ACYP2: variants seen among roughly 807,000 people sequenced by gnomAD.
The protein encoded by ACYP2 is acylphosphatase-2.
A neutral mutation model predicts 11.2 loss-of-function variants in ACYP2; 12 were observed. That is an observed-to-expected ratio of 1.08 (90% confidence interval 0.69 to 1.74). The LOEUF (loss-of-function observed/expected upper bound fraction) is 1.74. ACYP2 is among the 40% of genes most tolerant of loss of function. The probability of loss-of-function intolerance (pLI) is 0.00; values close to 1 mark genes in which losing one functional copy is unlikely to be tolerated. For synonymous variants in ACYP2, 43 were observed against 32.2 expected, an observed-to-expected ratio of 1.33 and a Z score of -1.13; for missense variants, 134 against 101.9, an observed-to-expected ratio of 1.31 and a Z score of -1.35.
chr2:53,995,666 T>C (rs1672541032), intron 2 of ACYP2, among the ~76,000 whole-genome samples: 1 of 151,324 alleles, frequency 6.6e-6, no homozygotes, highest in Non-Finnish European at 1.5e-5. Flanking sequence ...TTGGCCAGGC[T>C]GGTCTCAAAC....
rs139881539 is a variant in ACYP2 at position 54,286,543 on chromosome 2, G to A, written c.405-18145G>A. Among the ~76,000 whole-genome samples the A allele has an allele frequency of 3.3e-5, 5 of 152,080 alleles. No homozygotes were observed. In the South Asian group the frequency reaches 6.2e-4, roughly 19 times the overall value. On this transcript the variant is annotated intron_variant, in intron 6 of 6. Coordinates refer to ENST00000607452, the MANE Select transcript of ACYP2 (RefSeq NM_001320586.2). ...CTAATAGTCATCTATGTCTATCAGA[G>A]AACAATCCTCCTTTCACATACCAGG...
chr2:54,015,416 G>A (rs1183093167), intron 2 of ACYP2, among the ~76,000 whole-genome samples: 2 of 152,062 alleles, frequency 1.3e-5, no homozygotes, highest in Admixed American at 1.3e-4. Context: ...GCTGAGGCAG[G>A]AGACTCGCTT....
chr2:53,989,300 T>C (rs74259918), intron 2 of ACYP2, among the ~76,000 whole-genome samples: 2,810 of 147,160 alleles, frequency 0.019, 68 homozygotes, highest in African/African-American at 0.066. Flanking sequence ...TTTTTTTTTT[T>C]CACAGACAAG....
At chr2:54,212,727 TCTG>T (rs961327718) in intron 6 of ACYP2, among the ~76,000 whole-genome samples, 4 of 152,224 alleles carry the variant, frequency 2.6e-5, no homozygotes, top group African/African-American at 7.2e-5. Flanking sequence ...AGTTGTGTAA[TCTG>T]CAGCAGCACA....
intron 4 of ACYP2, among the ~76,000 whole-genome samples, chr2:54,128,375 A>AT (rs140079052): frequency 1.0e-3 from 150 of 148,296 alleles, no homozygotes; most frequent in South Asian, 2.2e-3. Flanking sequence ...TTCAAATTCC[A>AT]TTTTTTTTTT....
chr2:54,177,958 G>T (rs1353277602), intron 6 of ACYP2, among the ~76,000 whole-genome samples: 4 of 146,776 alleles, frequency 2.7e-5, no homozygotes, highest in African/African-American at 1.0e-4. Context: ...AGGCTAGAGT[G>T]CAGTGGCGCC....
intron 4 of ACYP2, among the ~76,000 whole-genome samples, chr2:54,080,763 C>T (rs898889719): frequency 6.6e-6 from 1 of 152,010 alleles, no homozygotes; most frequent in Admixed American, 6.6e-5. Flanking sequence ...GCTGGGATTA[C>T]AGGCATGAGC....
chr2:53,973,855 ATGTGTGTGTGTGTGTGTGTGTGTG>A (rs573137716), intron 2 of ACYP2: 15 of 124,442 alleles, frequency 1.2e-4, no homozygotes, highest in African/African-American at 2.2e-4. Flanking sequence ...GGATATATAT[ATGTGTGTGTGTGTGTGTGTGTGTG>A]TGTGTGTGTG....
intron 4 of ACYP2, among the ~76,000 whole-genome samples, chr2:54,075,830 G>C (rs1050759409): frequency 6.6e-6 from 1 of 151,628 alleles, no homozygotes; most frequent in African/African-American, 2.4e-5. Flanking sequence ...AAAAATTCTC[G>C]TAATAAAATG....
rs1300194776 is a variant in ACYP2, at chr2:54,033,630, C to T, written c.63-17328C>T. 2.0e-5 allele frequency among the ~76,000 whole-genome samples: 3 copies of T among 152,164 alleles called. No homozygotes were observed. The South Asian group carries it at 6.2e-4, about 32-fold the overall frequency. The stretch of plus-strand genomic sequence containing the variant: ...ACACTGGTGTAGACCATGCTGAAGA[C>T]AATCTGGAGCCCCTGAAAGCTTTCA... On this transcript the variant is annotated intron_variant, in intron 2 of 6. Transcript: ENST00000607452.
chr2:54,028,046 T>G (rs1159306630), intron 2 of ACYP2, among the ~76,000 whole-genome samples: 1 of 152,022 alleles, frequency 6.6e-6, no homozygotes, highest in African/African-American at 2.4e-5. Flanking sequence ...TTTCACCATG[T>G]TGACCAGGCT....
chr2:54,245,525 G>A (rs993904371), intron 6 of ACYP2, among the ~76,000 whole-genome samples: 4 of 151,906 alleles, frequency 2.6e-5, no homozygotes, highest in African/African-American at 4.8e-5. Flanking sequence ...TCTCTGCATC[G>A]TTGTTTTTTG....
intron 6 of ACYP2, among the ~76,000 whole-genome samples, chr2:54,258,053 C>T (rs570181020): frequency 1.1e-4 from 17 of 152,304 alleles, no homozygotes; most frequent in African/African-American, 4.1e-4. Flanking sequence ...GTGCCTGGTA[C>T]TCTTATAGGC....
rs895718427 is a variant in ACYP2, at chr2:54,072,417, C to T, written c.277+15057C>T. Among the ~76,000 whole-genome samples the T allele has an allele frequency of 4.6e-5, 7 of 151,144 alleles. No homozygotes were observed. The East Asian group carries it at 1.2e-3, about 25-fold the overall frequency. ...ACCACTCCAGCTCTAGTGATCTTCC[C>T]ACCTCAGTCTCTAGAATCCAGCTAC... On this transcript the variant is annotated intron_variant, in intron 4 of 6. Coordinates refer to ENST00000607452, the MANE Select transcript of ACYP2 (RefSeq NM_001320586.2).
At chr2:54,004,577 A>T (rs1456840759) in intron 2 of ACYP2, among the ~76,000 whole-genome samples, 2 of 150,798 alleles carry the variant, frequency 1.3e-5, no homozygotes, top group Non-Finnish European at 3.0e-5. Flanking sequence ...TGCCTGGCTA[A>T]TTTTTTTGTA....
chr2:54,069,640 T>C (rs1676923991), intron 4 of ACYP2, among the ~76,000 whole-genome samples: 1 of 151,676 alleles, frequency 6.6e-6, no homozygotes, highest in Non-Finnish European at 1.5e-5. Context: ...CCAGCCTGGG[T>C]GACAGAGCAA....
chr2:54,053,221 A>C (rs1367448685), intron 3 of ACYP2, among the ~76,000 whole-genome samples: 1 of 152,234 alleles, frequency 6.6e-6, no homozygotes, highest in Non-Finnish European at 1.5e-5. Flanking sequence ...AGACCCGGAC[A>C]GCATGGCTTT....
chr2:53,998,298 T>C (rs1412582823), intron 2 of ACYP2, among the ~76,000 whole-genome samples: 1 of 152,170 alleles, frequency 6.6e-6, no homozygotes, highest in Non-Finnish European at 1.5e-5. Flanking sequence ...CGATACAGAC[T>C]TTTCCTCCCA....
At chr2:53,973,090 A>G (rs900489909) in intron 1 of ACYP2, among the ~76,000 whole-genome samples, 1 of 152,206 alleles carries the variant, frequency 6.6e-6, no homozygotes, top group Non-Finnish European at 1.5e-5. Context: ...GAGGAGTTCT[A>G]GGAAACTGGG....
Sources: allele counts gnomAD v4.1 joint callset (sites outside exome capture counted in the v4.1 genomes callset), GRCh38; gene constraint gnomAD v4.1.1; transcripts MANE v1.5; gene names NCBI Gene and HGNC (gene_info 2026-07-23, HGNC 2026-07-21).